NTRK3: variants seen among roughly 807,000 people sequenced by gnomAD.
NTRK3 encodes NT-3 growth factor receptor.
In NTRK3, 24 loss-of-function variants were observed where a neutral mutation model predicts 91.7. That is an observed-to-expected ratio of 0.26 (90% CI 0.19 to 0.37). The LOEUF is 0.37. Among genes scored for constraint, NTRK3 ranks in the 10% least tolerant of loss-of-function variants. The pLI, the probability that NTRK3 is intolerant of heterozygous loss-of-function variation, is 1.00. For missense variants in NTRK3, 880 were observed against 1,068.9 expected, an observed-to-expected ratio of 0.82 and a Z score of 2.46; for synonymous variants, 483 against 404.0, an observed-to-expected ratio of 1.20 and a Z score of -2.34.
At chr15:88,229,152 C>T (rs2050949325) in intron 3 of NTRK3, among the ~76,000 whole-genome samples, 1 of 152,134 alleles carries the variant, frequency 6.6e-6, no homozygotes, top group South Asian at 2.1e-4. Flanking sequence ...AAAAATAAAC[C>T]CCTATATGTT....
At chr15:88,133,979 G>A (rs551982764) in intron 10 of NTRK3, among the ~76,000 whole-genome samples, 7 of 152,304 alleles carry the variant, frequency 4.6e-5, no homozygotes, top group African/African-American at 1.7e-4. Context: ...AAAGCTTCCT[G>A]GAGCTGCCAC....
intron 17 of NTRK3, among the ~76,000 whole-genome samples, chr15:87,897,158 A>G (rs1031254232): frequency 6.6e-6 from 1 of 152,164 alleles, no homozygotes; most frequent in African/African-American, 2.4e-5. Context: ...GCCGTTTAGC[A>G]GTGTGAGCCT....
In NTRK3 at chr15:87,973,175, G is replaced by C. The variant is rs2073404693; in HGVS notation, c.1586-32422C>G. Among the ~76,000 whole-genome samples the C allele has an allele frequency of 1.3e-5, 2 of 152,192 alleles. 1 individual carries two copies. Among genetic ancestry groups the C allele is most frequent in the South Asian group, 4.1e-4 (2 of 4,822 alleles). ...ACAAACACCCAGATATTTTGTGATA[G>C]AAGGAAAATGTGCCAAAATGAAAAG... On this transcript the variant is annotated intron_variant, in intron 14 of 18. Transcript: ENST00000394480.
intron 14 of NTRK3, among the ~76,000 whole-genome samples, chr15:87,988,317 G>C (rs2075008936): frequency 6.6e-6 from 1 of 152,202 alleles, no homozygotes; most frequent in East Asian, 1.9e-4. Flanking sequence ...ATCATAGAAG[G>C]CTAAGAAGAC....
Position 88,234,908 on chromosome 15 carries a change from C to G in NTRK3, c.248+20998G>C, listed in dbSNP as rs1459154624. Among the ~76,000 whole-genome samples the G allele has an allele frequency of 6.6e-6, 1 of 152,136 alleles. No individual in the cohort carries two copies. Among genetic ancestry groups the G allele is most frequent in the East Asian group, 1.9e-4 (1 of 5,164 alleles). On this transcript the variant is annotated intron_variant, in intron 3 of 18. Transcript: ENST00000394480. The surrounding 1 kb of genome is among the most constrained non-coding windows in gnomAD (Gnocchi z 6.1). ...GCTCCCAGGGCCTCCTATCCAGCCC[C>G]CGACACACTTCCAGCCCCTTCCAAC...
intron 3 of NTRK3, among the ~76,000 whole-genome samples, chr15:88,249,150 T>C (rs1014063213): frequency 6.6e-6 from 1 of 151,986 alleles, no homozygotes; most frequent in Non-Finnish European, 1.5e-5. Context: ...ACACTTATGA[T>C]GGGACAAGCC....
At chr15:88,199,693 A>G (rs2048130635) in intron 3 of NTRK3, among the ~76,000 whole-genome samples, 1 of 152,210 alleles carries the variant, frequency 6.6e-6, no homozygotes, top group Non-Finnish European at 1.5e-5. Context: ...GGAAACCTCA[A>G]GGTCAAAGTG....
intron 13 of NTRK3, among the ~76,000 whole-genome samples, chr15:88,095,833 A>G (rs1383049283): frequency 6.6e-6 from 1 of 152,284 alleles, no homozygotes; most frequent in South Asian, 2.1e-4. Flanking sequence ...CCATGTACCT[A>G]TGCCCCAGCT....
chr15:88,117,549 C>T (rs2052231023), intron 13 of NTRK3, among the ~76,000 whole-genome samples: 2 of 152,342 alleles, frequency 1.3e-5, no homozygotes, highest in South Asian at 4.1e-4. Flanking sequence ...GCAGAGCTAG[C>T]TTCGTGGACC....
intron 17 of NTRK3, among the ~76,000 whole-genome samples, chr15:87,901,646 C>T (rs56848782): frequency 0.028 from 4,255 of 152,060 alleles, 187 homozygotes; most frequent in African/African-American, 0.098. Context: ...AGGATATATG[C>T]TAAATGAATT....
intron 14 of NTRK3, among the ~76,000 whole-genome samples, chr15:87,999,852 T>A (rs2075971257): frequency 6.6e-6 from 1 of 152,156 alleles, no homozygotes; most frequent in Non-Finnish European, 1.5e-5. Flanking sequence ...TGCAATATGA[T>A]TCCATAGAAC....
At chr15:87,872,886 A>G (rs2064859501) in exon 19 of NTRK3, 1 of 233,016 alleles carries the variant, frequency 4.3e-6, no homozygotes, top group Non-Finnish European at 8.5e-6. Context: ...ATATCTATAC[A>G]AACCTCTTAA....
In NTRK3 at chr15:87,940,363, A is replaced by G. The variant is rs77071458; in HGVS notation, c.1716+260T>C. Among the ~76,000 whole-genome samples, 20,138 of 152,230 alleles carry G rather than the reference A, an allele frequency of 0.13. 1,537 individuals carry two copies. The highest frequency in any genetic ancestry group is 0.25 in the South Asian group (1,196 of 4,822). On this transcript the variant is annotated intron_variant, in intron 15 of 18. Transcript: ENST00000394480. Reference sequence around the variant, plus strand: ...GGACAGAGGTAACCACAGGGCCACTAAAAAAGGACCAGGGTCATTTACAAG... The same window carrying G: ...GGACAGAGGTAACCACAGGGCCACTGAAAAAGGACCAGGGTCATTTACAAG...
At chr15:88,180,362 T>C (rs2046347193) in intron 5 of NTRK3, among the ~76,000 whole-genome samples, 1 of 152,182 alleles carries the variant, frequency 6.6e-6, no homozygotes, top group Admixed American at 6.5e-5. Flanking sequence ...TATCTCATTT[T>C]CCGCAATCTA....
chr15:87,876,892 G>T, exon 19 of NTRK3: 1 of 1,603,054 alleles, frequency 6.2e-7, no homozygotes, highest in South Asian at 1.1e-5. Flanking sequence ...GAGGCAGGGA[G>T]AGAGGAGGCA....
intron 13 of NTRK3, among the ~76,000 whole-genome samples, chr15:88,065,727 T>C (rs1191369839): frequency 8.5e-5 from 13 of 152,248 alleles, no homozygotes; most frequent in African/African-American, 2.4e-5. Context: ...ACCTCTCTTA[T>C]GTACAAACAG....
rs1598117801 is a variant in NTRK3 at position 88,238,185 on chromosome 15, C to T, written c.248+17721G>A. On this transcript the variant is annotated intron_variant, in intron 3 of 18. Coordinates refer to ENST00000394480, the Ensembl canonical transcript of NTRK3. ...CACCTTCATCTTGGACTTCCAGCCT[C>T]CGGAACCATAAAAAACAAACATATG... Among the ~76,000 whole-genome samples the T allele has an allele frequency of 2.6e-5, 4 of 152,266 alleles. 1 individual carries two copies. The highest frequency in any genetic ancestry group is 2.6e-4 in the Admixed American group (4 of 15,300).
At chr15:88,093,817 C>CG (rs528463826) in intron 13 of NTRK3, among the ~76,000 whole-genome samples, 275 of 152,104 alleles carry the variant, frequency 1.8e-3, no homozygotes, top group African/African-American at 6.1e-3. Flanking sequence ...GGGCCTCAAG[C>CG]GGGGGGGTTG....
chr15:88,060,427 AGGGAAGCCTGTTCTCCATGGT>A (rs1567314797), intron 13 of NTRK3, among the ~76,000 whole-genome samples: 2 of 150,610 alleles, frequency 1.3e-5, no homozygotes, highest in African/African-American at 4.9e-5. Context: ...AGACCATCTC[AGGGAAGCCTGTTCTCCATGGT>A]GGGAAGCACA....
Sources: allele counts gnomAD v4.1 joint callset (sites outside exome capture counted in the v4.1 genomes callset), GRCh38; gene constraint gnomAD v4.1.1; non-coding constraint Gnocchi (gnomAD v3.1); transcripts MANE v1.5; gene names NCBI Gene and HGNC (gene_info 2026-07-23, HGNC 2026-07-21).